Variants in CHCHD3 observed in about 807,000 individuals in gnomAD.
The protein encoded by CHCHD3 is MICOS complex subunit MIC19.
A neutral mutation model predicts 38.2 loss-of-function variants in CHCHD3; 20 were observed. The ratio of observed to expected loss-of-function variants is 0.52; its 90% CI spans 0.37 to 0.76. The LOEUF (loss-of-function observed/expected upper bound fraction) is 0.76, where lower values mean the gene tolerates loss of function less well. Among genes scored for constraint, CHCHD3 ranks in the 30% least tolerant of loss-of-function variants. The pLI, the probability that CHCHD3 is intolerant of heterozygous loss-of-function variation, is 0.00. For missense variants in CHCHD3, 245 were observed against 279.2 expected, an observed-to-expected ratio of 0.88 and a Z score of 0.87; for synonymous variants, 82 against 100.0, an observed-to-expected ratio of 0.82 and a Z score of 1.07.
intron 1 of CHCHD3, among the ~76,000 whole-genome samples, chr7:133,070,807 A>G (rs550789147): frequency 6.6e-6 from 1 of 152,382 alleles, no homozygotes; most frequent in African/African-American, 2.4e-5. Flanking sequence ...ATACAACATG[A>G]AGAGTGCTAC....
In CHCHD3 at chr7:132,820,737, G is replaced by GA. The variant is rs1290494651; in HGVS notation, c.524+17661dup. Among the ~76,000 whole-genome samples the GA allele has an allele frequency of 2.3e-4, 34 of 146,256 alleles. 1 individual carries two copies. In the South Asian group the frequency reaches 4.1e-3, roughly 18 times the overall value. The stretch of plus-strand genomic sequence containing the variant: ...AGCCACACTGTCCTTTTTACTTCTG[G>GA]AAAAAAAAATATATATATGGCCCAA... On this transcript the variant is annotated intron_variant, in intron 6 of 7. Coordinates refer to ENST00000262570, the MANE Select transcript of CHCHD3 (RefSeq NM_017812.4).
At position 132,788,602 on chromosome 7, in the gene CHCHD3, A is replaced by C. The variant is rs1215754958; in HGVS notation, c.661-2942T>G. ...TTTTTCAGCCAAATCATATCATGCT[A>C]AGAATGTTAGGCTCTCTTTCAGAAA... is the stretch of plus-strand genomic sequence containing the variant. On this transcript the variant is annotated intron_variant, in intron 7 of 7. Coordinates refer to ENST00000262570, the MANE Select transcript of CHCHD3 (RefSeq NM_017812.4). This position sits in a 1 kb window ranked among gnomAD's most constrained non-coding sequence, Gnocchi z 4.0. Among the ~76,000 whole-genome samples the C allele has an allele frequency of 6.6e-6, 1 of 152,224 alleles. No individual in the cohort carries two copies. The highest frequency in any genetic ancestry group is 1.9e-4 in the East Asian group (1 of 5,196).
chr7:132,811,993 T>C (rs187560781), intron 6 of CHCHD3, among the ~76,000 whole-genome samples: 13 of 152,218 alleles, frequency 8.5e-5, no homozygotes, highest in Non-Finnish European at 1.3e-4. Flanking sequence ...GCATTACAGG[T>C]ACCACATGTT....
At chr7:132,995,925 GTA>G (rs144897809) in intron 3 of CHCHD3, among the ~76,000 whole-genome samples, 2 of 152,224 alleles carry the variant, frequency 1.3e-5, no homozygotes, top group East Asian at 3.9e-4. Flanking sequence ...GGTGTTTTAT[GTA>G]TGTTATTTCA....
chr7:132,804,357 C>G (rs1253708135), intron 6 of CHCHD3, among the ~76,000 whole-genome samples: 2 of 152,178 alleles, frequency 1.3e-5, no homozygotes, highest in African/African-American at 4.8e-5. Flanking sequence ...GGCACACATT[C>G]ATGCGGAGCT....
chr7:132,796,610 T>C, intron 6 of CHCHD3, 33 bp from the exon 7 acceptor site: 1 of 1,598,666 alleles, frequency 6.3e-7, no homozygotes, highest in Non-Finnish European at 8.6e-7. Flanking sequence ...CTGAGACCAA[T>C]GGTCTTCATT....
At chr7:132,893,108 C>T (rs7776478) in intron 4 of CHCHD3, among the ~76,000 whole-genome samples, 2,115 of 152,288 alleles carry the variant, frequency 0.014, 54 homozygotes, top group African/African-American at 0.048. Flanking sequence ...CACCTGGAAA[C>T]GTCACAGGCA....
At position 133,067,289 on chromosome 7, in the gene CHCHD3, C is replaced by T. The variant is rs1198041977; in HGVS notation, c.169+2853G>A. Among the ~76,000 whole-genome samples the T allele has an allele frequency of 3.9e-5, 6 of 152,176 alleles. No individual in the cohort carries two copies. In the South Asian group the frequency reaches 8.3e-4, roughly 21 times the overall value. On this transcript the variant is annotated intron_variant, in intron 2 of 7. Coordinates refer to ENST00000262570, the MANE Select transcript of CHCHD3 (RefSeq NM_017812.4). ...GGAGGTAGGAAAAAAAATCTACCTA[C>T]AACAAATCATACTTTAGAACAAATT...
chr7:132,929,179 A>T (rs183864314), intron 4 of CHCHD3, among the ~76,000 whole-genome samples: 2 of 152,176 alleles, frequency 1.3e-5, no homozygotes, highest in Non-Finnish European at 2.9e-5. Context: ...TGATTTCAAC[A>T]CTATTTTTTA....
At chr7:133,079,813 G>A (rs1815115553) in intron 1 of CHCHD3, among the ~76,000 whole-genome samples, 1 of 152,144 alleles carries the variant, frequency 6.6e-6, no homozygotes, top group Non-Finnish European at 1.5e-5. Context: ...TTAAACTGAG[G>A]TCTGTTTAAT....
intron 5 of CHCHD3, among the ~76,000 whole-genome samples, chr7:132,865,683 AG>A (rs76262105): frequency 0.12 from 17,684 of 151,952 alleles, 2,347 homozygotes; most frequent in African/African-American, 0.3. Context: ...TTTTAAAGGA[AG>A]GGGAACCAGG....
intron 3 of CHCHD3, among the ~76,000 whole-genome samples, chr7:133,012,822 G>A (rs1238617329): frequency 1.9e-5 from 2 of 106,472 alleles, no homozygotes; most frequent in Admixed American, 1.1e-4. Flanking sequence ...GAGGGGAGGG[G>A]AAGGGAGGGG....
chr7:132,951,271 C>G (rs1441401629), intron 4 of CHCHD3, among the ~76,000 whole-genome samples: 1 of 152,072 alleles, frequency 6.6e-6, no homozygotes, highest in African/African-American at 2.4e-5. Context: ...TAACTGTAGG[C>G]AAAAGAAATC....
At chr7:132,802,484 G>T (rs754687227) in intron 6 of CHCHD3, among the ~76,000 whole-genome samples, 5 of 152,104 alleles carry the variant, frequency 3.3e-5, no homozygotes, top group African/African-American at 1.2e-4. Flanking sequence ...CCTCATTAGA[G>T]GTCTGAACTT....
At chr7:132,943,107 A>T (rs189850849) in intron 4 of CHCHD3, among the ~76,000 whole-genome samples, 1 of 152,188 alleles carries the variant, frequency 6.6e-6, no homozygotes, top group East Asian at 1.9e-4. Context: ...ACTACCTACT[A>T]TATCTAAATA....
intron 3 of CHCHD3, among the ~76,000 whole-genome samples, chr7:132,990,532 G>C (rs188755343): frequency 6.6e-6 from 1 of 152,270 alleles, no homozygotes; most frequent in East Asian, 1.9e-4. Context: ...CAGAAACTAG[G>C]GCAATAATCC....
intron 4 of CHCHD3, among the ~76,000 whole-genome samples, chr7:132,966,358 C>G (rs1811464189): frequency 6.6e-6 from 1 of 152,158 alleles, no homozygotes; most frequent in East Asian, 1.9e-4. Context: ...ATAGCTGCCA[C>G]CTGCCCCCAT....
intron 2 of CHCHD3, chr7:133,034,625 G>A (rs12671131): frequency 4.9e-5 from 77 of 1,578,072 alleles, no homozygotes; most frequent in Admixed American, 4.5e-4. Context: ...AGATCTTGCC[G>A]TGATTGAAGG....
intron 4 of CHCHD3, among the ~76,000 whole-genome samples, chr7:132,926,305 C>T (rs988597517): frequency 2.0e-5 from 3 of 152,130 alleles, no homozygotes; most frequent in Non-Finnish European, 2.9e-5. Flanking sequence ...AGCTAGATTT[C>T]GGACAGAGAT....
Sources: allele counts gnomAD v4.1 joint callset (sites outside exome capture counted in the v4.1 genomes callset), GRCh38; gene constraint gnomAD v4.1.1; non-coding constraint Gnocchi (gnomAD v3.1); transcripts MANE v1.5; gene names NCBI Gene and HGNC (gene_info 2026-07-23, HGNC 2026-07-21).